LRP1B: variants seen among roughly 807,000 people sequenced by gnomAD.
The protein encoded by LRP1B is LDL receptor related protein 1B, also known as low-density lipoprotein receptor-related protein 1B.
LRP1B carries 217 observed loss-of-function variants against 556.6 expected under a neutral mutation model. That is an observed-to-expected ratio of 0.39 (90% confidence interval 0.35 to 0.44). The LOEUF (loss-of-function observed/expected upper bound fraction) is 0.44, where lower values mean the gene tolerates loss of function less well. LRP1B is among the 20% of genes least tolerant of loss of function. LRP1B has a pLI of 1.00. For synonymous variants in LRP1B, 2,047 were observed against 1,865.8 expected (o/e 1.10, Z -2.50); for missense variants, 5,053 against 5,620.8 (o/e 0.90, Z 3.23).
chr2:140,717,673 G>GT (rs1687261269), intron 35 of LRP1B, among the ~76,000 whole-genome samples: 1 of 152,056 alleles, frequency 6.6e-6, no homozygotes, highest in Admixed American at 6.6e-5. Context: ...AACTAAGTAC[G>GT]TTTTTGTGTT....
intron 2 of LRP1B, among the ~76,000 whole-genome samples, chr2:141,512,951 C>T (rs1016602941): frequency 5.3e-5 from 8 of 152,026 alleles, no homozygotes; most frequent in Admixed American, 2.0e-4. Flanking sequence ...TATACATTAC[C>T]GCATTAAAGA....
chr2:140,501,896 T>C (rs752965710), intron 54 of LRP1B, 22 bp from the exon 55 acceptor site: 1 of 1,567,220 alleles, frequency 6.4e-7, no homozygotes, highest in South Asian at 1.2e-5. Context: ...ATAAAACAAA[T>C]GGAACATAAA....
chr2:140,749,836 A>G (rs77912422), intron 35 of LRP1B, among the ~76,000 whole-genome samples: 3,481 of 152,296 alleles, frequency 0.023, 202 homozygotes, highest in East Asian at 0.22. Flanking sequence ...CAAGTATTAT[A>G]TACTGTACAT....
At chr2:140,273,660 A>C (rs529616555) in intron 85 of LRP1B, among the ~76,000 whole-genome samples, 1 of 152,098 alleles carries the variant, frequency 6.6e-6, no homozygotes, top group African/African-American at 2.4e-5. Context: ...CTTATTTATT[A>C]TACTCCCAAG....
At chr2:141,220,074 G>A (rs375389234) in intron 6 of LRP1B, among the ~76,000 whole-genome samples, 8 of 152,122 alleles carry the variant, frequency 5.3e-5, no homozygotes, top group African/African-American at 1.9e-4. Flanking sequence ...CTAGGCTTGG[G>A]CCAAGATGAA....
At chr2:140,422,290 T>G (rs1573919470) in intron 66 of LRP1B, among the ~76,000 whole-genome samples, 1 of 152,172 alleles carries the variant, frequency 6.6e-6, no homozygotes, top group East Asian at 1.9e-4. Flanking sequence ...TTTCTAAAAC[T>G]GGGGATAAGA....
At chr2:141,400,067 C>T (rs1334353355) in intron 3 of LRP1B, among the ~76,000 whole-genome samples, 2 of 152,082 alleles carry the variant, frequency 1.3e-5, no homozygotes, top group African/African-American at 4.8e-5. Context: ...CTCCCGGCAG[C>T]TTCAATCTCC....
At chr2:140,294,288 A>T (rs1264106466) in intron 84 of LRP1B, among the ~76,000 whole-genome samples, 1 of 152,216 alleles carries the variant, frequency 6.6e-6, no homozygotes, top group Non-Finnish European at 1.5e-5. Flanking sequence ...TTGAACACTG[A>T]TTAAATGTAA....
intron 43 of LRP1B, among the ~76,000 whole-genome samples, chr2:140,588,796 A>C (rs1337783792): frequency 6.6e-6 from 1 of 151,236 alleles, no homozygotes; most frequent in Admixed American, 6.6e-5. Context: ...TGTCTCTCCT[A>C]AAAATACAAA....
At chr2:141,807,073 G>A (rs112080286) in intron 2 of LRP1B, among the ~76,000 whole-genome samples, 110 of 152,042 alleles carry the variant, frequency 7.2e-4, no homozygotes, top group African/African-American at 2.2e-3. Context: ...AAGGTTTTCC[G>A]TTGTTAATAT....
At chr2:142,064,954 G>A (rs190941366) in intron 1 of LRP1B, among the ~76,000 whole-genome samples, 1 of 149,646 alleles carries the variant, frequency 6.7e-6, no homozygotes, top group Admixed American at 6.8e-5. Flanking sequence ...CAATAGCAGA[G>A]TTTTGGGCTT....
At chr2:140,649,020 G>A (rs76937279) in intron 41 of LRP1B, among the ~76,000 whole-genome samples, 3 of 151,982 alleles carry the variant, frequency 2.0e-5, no homozygotes, top group African/African-American at 7.3e-5. Flanking sequence ...GGGTAGAACT[G>A]ATCAGGTTAT....
At chr2:140,656,283 CTTATT>C (rs1684876660) in intron 41 of LRP1B, among the ~76,000 whole-genome samples, 1 of 152,004 alleles carries the variant, frequency 6.6e-6, no homozygotes, top group African/African-American at 2.4e-5. Context: ...CATTTTTTGT[CTTATT>C]TTAAAGGGAT....
rs549309936 is a variant in LRP1B, at chr2:141,777,383, A to G, written c.205+32896T>C. ...GTTTGGTCCAATTTATAAAAGGTGAATCTGCAAATGACTTTTATTTATTTT... is the reference window on the plus strand; with the variant it reads ...GTTTGGTCCAATTTATAAAAGGTGAGTCTGCAAATGACTTTTATTTATTTT... On this transcript the variant is annotated intron_variant, in intron 2 of 90. Transcript: ENST00000389484. Among the ~76,000 whole-genome samples the G allele has an allele frequency of 8.5e-4, 130 of 152,296 alleles. 2 individuals carry two copies. The highest frequency in any genetic ancestry group is 6.8e-3 in the Middle Eastern group (2 of 294).
At chr2:141,369,098 T>C (rs535087843) in intron 3 of LRP1B, among the ~76,000 whole-genome samples, 1 of 152,176 alleles carries the variant, frequency 6.6e-6, no homozygotes, top group East Asian at 1.9e-4. Flanking sequence ...TTAGGAAGCA[T>C]AAACTAAAAT....
intron 66 of LRP1B, among the ~76,000 whole-genome samples, chr2:140,426,246 T>A (rs545072475): frequency 6.6e-6 from 1 of 152,326 alleles, no homozygotes; most frequent in South Asian, 2.1e-4. Flanking sequence ...ATATTAAGAA[T>A]CATTTGAAAA....
At chr2:140,745,126 A>C (rs1688273281) in intron 35 of LRP1B, among the ~76,000 whole-genome samples, 1 of 152,180 alleles carries the variant, frequency 6.6e-6, no homozygotes, top group African/African-American at 2.4e-5. Context: ...TTACTGAGAA[A>C]ATTCTTGAAA....
chr2:141,571,391 A>AAC lies in LRP1B; in HGVS notation c.206-90859_206-90858insGT, dbSNP rs1686523533. ...ACAACAGCATCAACAACAACAACAA[A>AAC]AAATGCCCCAACGAAAACCTCATCC... On this transcript the variant is annotated intron_variant, in intron 2 of 90. Transcript: ENST00000389484. 2.0e-5 allele frequency among the ~76,000 whole-genome samples: 3 copies of AAC among 150,008 alleles called. 1 individual carries two copies. The highest frequency in any genetic ancestry group is 2.0e-4 in the Admixed American group (3 of 15,008).
chr2:142,021,502 T>C (rs1351148304), intron 1 of LRP1B, among the ~76,000 whole-genome samples: 1 of 152,160 alleles, frequency 6.6e-6, no homozygotes, highest in African/African-American at 2.4e-5. Context: ...TAATAAACTG[T>C]GTATTTGTTA....
Sources: gnomAD v4.1 joint callset for allele counts (sites outside exome capture counted in the v4.1 genomes callset) on GRCh38, gnomAD v4.1.1 for gene constraint, MANE v1.5 for transcripts, NCBI Gene and HGNC (gene_info 2026-07-23, HGNC 2026-07-21) for gene names.